The following ACOT12 variants were observed in gnomAD, a reference collection of about 807,000 sequenced individuals.
The protein encoded by ACOT12 is acetyl-coenzyme A thioesterase.
Under a neutral mutation model 67.7 loss-of-function variants are expected in ACOT12, and 51 were observed. That is an observed-to-expected ratio of 0.75 (90% CI 0.60 to 0.95). The LOEUF (loss-of-function observed/expected upper bound fraction) is 0.95. Ranked by LOEUF, ACOT12 falls within the 40% of genes least tolerant of loss-of-function variation. The probability of loss-of-function intolerance (pLI) is 0.00; values close to 1 mark genes in which losing one functional copy is unlikely to be tolerated. For synonymous variants in ACOT12, 251 were observed against 244.6 expected, an observed-to-expected ratio of 1.03 and a Z score of -0.24; for missense variants, 734 against 708.1, an observed-to-expected ratio of 1.04 and a Z score of -0.41.
the ACOT12 span, chr5:81,309,221 TAATA>T: frequency 2.2e-6 from 1 of 462,020 alleles, no homozygotes; most frequent in East Asian, 3.3e-5. Flanking sequence ...CTTCAGATGT[TAATA>T]AAACAAATCA....
the ACOT12 span, among the ~76,000 whole-genome samples, chr5:81,310,779 G>A: frequency 6.6e-6 from 1 of 152,178 alleles, no homozygotes; most frequent in Non-Finnish European, 1.5e-5. Context: ...CAGTAGAACA[G>A]TAGTTTCTAA....
downstream of ACOT12, among the ~76,000 whole-genome samples, chr5:81,327,859 GA>G (rs1758711278): frequency 6.6e-6 from 1 of 152,110 alleles, no homozygotes; most frequent in Admixed American, 6.5e-5. Flanking sequence ...ACACTCCAAA[GA>G]AAAAAATCAG....
the ACOT12 span, among the ~76,000 whole-genome samples, chr5:81,309,838 C>T: frequency 2.6e-5 from 4 of 152,110 alleles, no homozygotes; most frequent in Admixed American, 6.5e-5. Context: ...ATTTTAATCT[C>T]TTGGAAATCA....
At chr5:81,393,794 G>A (rs1760926787) in intron 1 of ACOT12, among the ~76,000 whole-genome samples, 194 bp downstream of exon 1, 1 of 151,698 alleles carries the variant, frequency 6.6e-6, no homozygotes, top group Non-Finnish European at 1.5e-5. Flanking sequence ...AGTCCCGAGA[G>A]CCACACATTT....
At chr5:81,392,677 T>C (rs1312931183) in intron 1 of ACOT12, among the ~76,000 whole-genome samples, 3 of 152,212 alleles carry the variant, frequency 2.0e-5, no homozygotes, top group African/African-American at 4.8e-5. Flanking sequence ...TTATGTATTA[T>C]TCTTTTTTCC....
intron 2 of ACOT12, among the ~76,000 whole-genome samples, chr5:81,382,942 G>C (rs1760627329): frequency 6.6e-6 from 1 of 152,192 alleles, no homozygotes; most frequent in South Asian, 2.1e-4. Context: ...CAGGTCATTA[G>C]TGAGAGTTTC....
At position 81,330,382 on chromosome 5, in the gene ACOT12, G is replaced by A. The variant is rs1758774969; in HGVS notation, c.*12C>T. 1 of 1,604,274 alleles carries A rather than the reference G, an allele frequency of 6.2e-7. No individual in the cohort carries two copies. Among genetic ancestry groups the A allele is most frequent in the Non-Finnish European group, 8.5e-7 (1 of 1,174,090 alleles). On this transcript the variant is annotated 3_prime_UTR_variant, in exon 15 of 15. Transcript: ENST00000307624. ...GTGGGAAATTAAATTACCAGTAATT[G>A]AAAGTTGACCTTTAAAATGTGCTTA... is the stretch of plus-strand genomic sequence containing the variant.
At chr5:81,383,504 G>T (rs1296171511) in intron 2 of ACOT12, among the ~76,000 whole-genome samples, 1 of 152,072 alleles carries the variant, frequency 6.6e-6, no homozygotes, top group African/African-American at 2.4e-5. Flanking sequence ...AAATGACCAG[G>T]TTTCTTTAAA....
rs755024401 is a variant in ACOT12 at position 81,332,556 on chromosome 5, T to C, written c.1312A>G (p.Ile438Val). 106 of 1,614,038 alleles carry C rather than the reference T, an allele frequency of 6.6e-5. No homozygotes were observed. Among genetic ancestry groups the C allele is most frequent in the Non-Finnish European group, 8.5e-5 (100 of 1,180,014 alleles). ...TCATCATTCAGTATAGGACAGGTGA[T>C]GTGATACAGCTGATCATCTTCACTC... is the stretch of plus-strand genomic sequence containing the variant. The part of the protein sequence containing the change: ...WVSEDDQLYH[I>V]TCPILNDDKP... Residue 438 changes from isoleucine to valine, a missense_variant, in exon 13 of 15, where the codon ATC becomes GTC. Ile to Val is a conservative substitution (Grantham distance 29). Coordinates refer to ENST00000307624, the MANE Select transcript of ACOT12 (RefSeq NM_130767.3).
intron 3 of ACOT12, among the ~76,000 whole-genome samples, chr5:81,370,078 T>G (rs921888026): frequency 1.3e-5 from 2 of 152,090 alleles, no homozygotes; most frequent in Non-Finnish European, 2.9e-5. Flanking sequence ...GTCAGAAGAT[T>G]GAGATCATCC....
chr5:81,332,666 C>T (rs1055503595), intron 12 of ACOT12, 61 bp from the exon 13 acceptor site: 2 of 1,590,396 alleles, frequency 1.3e-6, no homozygotes, highest in Non-Finnish European at 1.7e-6. Context: ...ATTCACTTCC[C>T]TTATTTGCTT....
At chr5:81,361,646 G>A (rs934894232) in intron 4 of ACOT12, among the ~76,000 whole-genome samples, 4 of 152,166 alleles carry the variant, frequency 2.6e-5, no homozygotes, top group African/African-American at 7.2e-5. Flanking sequence ...AGTACATCTT[G>A]TGTTACTAAG....
chr5:81,375,437 C>G (rs1760382326), intron 2 of ACOT12, among the ~76,000 whole-genome samples: 1 of 152,130 alleles, frequency 6.6e-6, no homozygotes, highest in Non-Finnish European at 1.5e-5. Context: ...CATCAACTAA[C>G]AGGCAAAAGA....
Position 81,330,392 on chromosome 5 carries a change from C to T in ACOT12, c.*2G>A. ...AAATTACCAGTAATTGAAAGTTGAC[C>T]TTTAAAATGTGCTTACAAACCCATC... On this transcript the variant is annotated 3_prime_UTR_variant, in exon 15 of 15. Coordinates refer to ENST00000307624, the MANE Select transcript of ACOT12 (RefSeq NM_130767.3). The T allele has an allele frequency of 6.2e-7, 1 of 1,607,110 alleles. No individual in the cohort carries two copies. Among genetic ancestry groups the T allele is most frequent in the Non-Finnish European group, 8.5e-7 (1 of 1,175,964 alleles).
At chr5:81,329,138 G>T (rs547028367), downstream of ACOT12, among the ~76,000 whole-genome samples, 1 of 152,030 alleles carries the variant, frequency 6.6e-6, no homozygotes, top group African/African-American at 2.4e-5. Flanking sequence ...CAATGTTTCC[G>T]TTACTGTTCA....
chr5:81,357,367 G>C (rs1475593411), intron 5 of ACOT12, among the ~76,000 whole-genome samples: 1 of 152,146 alleles, frequency 6.6e-6, no homozygotes, highest in Non-Finnish European at 1.5e-5. Flanking sequence ...CAGGTTCCTG[G>C]CACATGACAG....
At chr5:81,385,170 C>T (rs963162529) in intron 2 of ACOT12, among the ~76,000 whole-genome samples, 9 of 151,962 alleles carry the variant, frequency 5.9e-5, no homozygotes, top group South Asian at 4.2e-4. Flanking sequence ...TTATAGTAGC[C>T]GGGCATGGTG....
At chr5:81,371,834 C>T (rs1325818029) in intron 2 of ACOT12, 24 bp from the exon 3 acceptor site, 2 of 1,605,744 alleles carry the variant, frequency 1.2e-6, no homozygotes, top group African/African-American at 2.7e-5. Flanking sequence ...AACAAAAAAA[C>T]CTCAGTAGTT....
In ACOT12 at chr5:81,385,881, G is replaced by A. The variant is rs1430559379; in HGVS notation, c.128-55C>T. ...TTAGTGGTGATATGAGAATATTTCA[G>A]TATAAGGGAAAGGAATGAAATGTAA... is the stretch of plus-strand genomic sequence containing the variant. On this transcript the variant is annotated intron_variant, in intron 1 of 14. Coordinates refer to ENST00000307624, the MANE Select transcript of ACOT12 (RefSeq NM_130767.3). The A allele has an allele frequency of 1.7e-5, 26 of 1,515,458 alleles. 1 individual carries two copies. In the Admixed American group the frequency reaches 2.1e-4, roughly 12 times the overall value. 93.9% of individuals were successfully genotyped at this position (1,515,458 alleles called of 1,614,324 possible).
Sources: gnomAD v4.1 joint callset for allele counts (sites outside exome capture counted in the v4.1 genomes callset) on GRCh38, gnomAD v4.1.1 for gene constraint, MANE v1.5 for transcripts, NCBI Gene and HGNC (gene_info 2026-07-23, HGNC 2026-07-21) for gene names.